The following MCTP1 variants were observed in gnomAD, a reference collection of about 807,000 sequenced individuals.
The protein encoded by MCTP1 is multiple C2 and transmembrane domain-containing protein 1.
In MCTP1, 69 loss-of-function variants were observed where a neutral mutation model predicts 120.6. That is an observed-to-expected ratio of 0.57 (90% CI 0.47 to 0.70). The LOEUF is 0.70. MCTP1 is among the 30% of genes least tolerant of loss of function. MCTP1 has a pLI of 0.00. For synonymous variants in MCTP1, 529 were observed against 493.1 expected (o/e 1.07, Z -0.96); for missense variants, 1,203 against 1,248.8 (o/e 0.96, Z 0.55).
chr5:94,927,682 A>C (rs185938833), intron 6 of MCTP1, among the ~76,000 whole-genome samples: 4 of 152,234 alleles, frequency 2.6e-5, no homozygotes, highest in Admixed American at 1.3e-4. Context: ...AAGATGTGTT[A>C]ATCTGTTTCT....
chr5:95,030,955 C>T (rs551434186), intron 1 of MCTP1, among the ~76,000 whole-genome samples: 17 of 150,732 alleles, frequency 1.1e-4, no homozygotes, highest in African/African-American at 3.9e-4. Context: ...AAGATAGCTA[C>T]ATTAAAAAAA....
In MCTP1 at chr5:94,884,585, C is replaced by T. The variant is rs1277452547; in HGVS notation, c.1933+4294G>A. ...CATGGGCCGGACCATCTAAAAGTGTCTGATCGCCGGTCTGTGACACAGCAA... is the reference window on the plus strand; with the variant it reads ...CATGGGCCGGACCATCTAAAAGTGTTTGATCGCCGGTCTGTGACACAGCAA... On this transcript the variant is annotated intron_variant, in intron 12 of 22. Coordinates refer to ENST00000515393, the MANE Select transcript of MCTP1 (RefSeq NM_024717.7). 3.4e-5 allele frequency among the ~76,000 whole-genome samples: 4 copies of T among 118,186 alleles called. No homozygotes were observed. The East Asian group carries it at 1.1e-3, about 32-fold the overall frequency. The allele number at this position is 118,186 out of a possible 152,430, so 77.5% of individuals were successfully genotyped here. A position where few individuals can be genotyped will look rare whatever the true frequency, so the allele number is the denominator to read the frequency against.
intron 1 of MCTP1, among the ~76,000 whole-genome samples, chr5:95,032,196 T>C (rs1840430059): frequency 6.6e-6 from 1 of 151,968 alleles, no homozygotes; most frequent in African/African-American, 2.4e-5. Flanking sequence ...GGCAGACAAC[T>C]AACAAAGAAA....
At chr5:95,262,359 C>G (rs1244569425) in intron 1 of MCTP1, among the ~76,000 whole-genome samples, 1 of 152,136 alleles carries the variant, frequency 6.6e-6, no homozygotes, top group Admixed American at 6.5e-5. Flanking sequence ...TGGCTCCAAG[C>G]ACAGTAACTC....
intron 1 of MCTP1, among the ~76,000 whole-genome samples, chr5:95,120,616 A>T (rs1758152816): frequency 6.6e-6 from 1 of 152,238 alleles, no homozygotes; most frequent in Non-Finnish European, 1.5e-5. Flanking sequence ...TTGAAAAAAC[A>T]TTTGATAAAA....
At chr5:94,923,345 A>G (rs918578037) in intron 7 of MCTP1, among the ~76,000 whole-genome samples, 6 of 152,206 alleles carry the variant, frequency 3.9e-5, no homozygotes, top group Non-Finnish European at 7.3e-5. Flanking sequence ...GCTGTGCATA[A>G]TGCAGAATTA....
chr5:94,961,389 C>T (rs1824149879), intron 2 of MCTP1, among the ~76,000 whole-genome samples: 1 of 151,942 alleles, frequency 6.6e-6, no homozygotes, highest in Admixed American at 6.6e-5. Flanking sequence ...ACGTTCTGAA[C>T]ATGTATCCCA....
At chr5:95,209,280 C>A (rs994486202) in intron 1 of MCTP1, among the ~76,000 whole-genome samples, 4 of 152,180 alleles carry the variant, frequency 2.6e-5, no homozygotes, top group African/African-American at 9.7e-5. Context: ...AGCCATGAAA[C>A]ACCAGTTACA....
intron 17 of MCTP1, among the ~76,000 whole-genome samples, chr5:94,806,950 A>G (rs902364693): frequency 6.6e-6 from 1 of 152,248 alleles, no homozygotes; most frequent in East Asian, 1.9e-4. Context: ...CGGTCCTTTT[A>G]GAAAATCCTT....
intron 17 of MCTP1, among the ~76,000 whole-genome samples, chr5:94,835,733 G>A (rs987836694): frequency 1.9e-4 from 29 of 152,180 alleles, no homozygotes; most frequent in African/African-American, 6.0e-4. Flanking sequence ...GGCCAGGAGC[G>A]GTGGCTCACG....
chr5:95,177,128 C>A (rs904199580), intron 1 of MCTP1, among the ~76,000 whole-genome samples: 5 of 150,878 alleles, frequency 3.3e-5, no homozygotes, highest in African/African-American at 4.9e-5. Context: ...GGTGTGTATA[C>A]ATAGAAATAT....
chr5:94,980,657 A>G (rs1437314750), intron 2 of MCTP1, among the ~76,000 whole-genome samples: 1 of 152,126 alleles, frequency 6.6e-6, no homozygotes, highest in Non-Finnish European at 1.5e-5. Flanking sequence ...CTTTCCAAGC[A>G]TGTGTAGTCC....
chr5:94,911,754 TATTC>T (rs1197961622), intron 9 of MCTP1, among the ~76,000 whole-genome samples: 2 of 152,150 alleles, frequency 1.3e-5, no homozygotes, highest in African/African-American at 2.4e-5. Flanking sequence ...ACTAGACCCT[TATTC>T]ATTATTACTT....
chr5:94,732,783 C>T (rs761140686), intron 19 of MCTP1, among the ~76,000 whole-genome samples: 5 of 152,180 alleles, frequency 3.3e-5, no homozygotes, highest in Non-Finnish European at 7.3e-5. Flanking sequence ...AACAGGCTCT[C>T]ACCACACACT....
chr5:94,735,906 G>A (rs1213658452), intron 19 of MCTP1, among the ~76,000 whole-genome samples: 1 of 152,200 alleles, frequency 6.6e-6, no homozygotes, highest in Non-Finnish European at 1.5e-5. Flanking sequence ...CAACACAGTA[G>A]TAGAGAAAGG....
At chr5:94,867,160 A>G (rs1363900895) in intron 17 of MCTP1, 6 of 1,279,508 alleles carry the variant, frequency 4.7e-6, no homozygotes, top group Non-Finnish European at 6.2e-6. Flanking sequence ...GTACCACCAT[A>G]TATTTATTAT....
At chr5:95,200,631 T>C (rs1301203472) in intron 1 of MCTP1, among the ~76,000 whole-genome samples, 2 of 152,188 alleles carry the variant, frequency 1.3e-5, no homozygotes, top group African/African-American at 2.4e-5. Context: ...CTCACTTGTA[T>C]GTGGAATCTT....
At chr5:94,735,365 A>G (rs2152722631) in intron 19 of MCTP1, among the ~76,000 whole-genome samples, 1 of 151,160 alleles carries the variant, frequency 6.6e-6, no homozygotes, top group South Asian at 2.1e-4. Context: ...AAATAGTTTC[A>G]ACCTCCTGGC....
At chr5:95,243,271 G>A (rs1473262818) in intron 1 of MCTP1, among the ~76,000 whole-genome samples, 1 of 152,216 alleles carries the variant, frequency 6.6e-6, no homozygotes, top group African/African-American at 2.4e-5. Context: ...TTCAGACCCA[G>A]AACAATAGAT....
Sources: allele counts gnomAD v4.1 joint callset (sites outside exome capture counted in the v4.1 genomes callset), GRCh38; gene constraint gnomAD v4.1.1; transcripts MANE v1.5; gene names NCBI Gene and HGNC (gene_info 2026-07-23, HGNC 2026-07-21).